Variants in PRKN observed in about 807,000 individuals in gnomAD.
PRKN encodes E3 ubiquitin-protein ligase parkin.
Under a neutral mutation model 59.5 loss-of-function variants are expected in PRKN, and 56 were observed. The ratio of observed to expected loss-of-function variants is 0.94; its 90% CI spans 0.76 to 1.18. The LOEUF is 1.18. Among genes scored for constraint, PRKN ranks in the 50% most tolerant of loss-of-function variants. The pLI is 0.00. For missense variants in PRKN, 657 were observed against 596.4 expected (o/e 1.10, Z -1.06); for synonymous variants, 250 against 222.1 (o/e 1.13, Z -1.12).
Position 162,024,041 on chromosome 6 carries a change from G to A in PRKN, c.618+30050C>T, listed in dbSNP as rs866567731. ...TCTAGTTCTGTGAAAAATGGCATTG[G>A]TATATTGATAGGAATGACATTGAAT... On this transcript the variant is annotated intron_variant, in intron 5 of 11. Coordinates refer to ENST00000366898, the MANE Select transcript of PRKN (RefSeq NM_004562.3). Among the ~76,000 whole-genome samples, 3 of 151,988 alleles carry A rather than the reference G, an allele frequency of 2.0e-5. No homozygotes were observed. The South Asian group carries it at 6.2e-4, about 32-fold the overall frequency.
chr6:162,185,708 T>C (rs1163927423), intron 4 of PRKN, among the ~76,000 whole-genome samples: 1 of 152,150 alleles, frequency 6.6e-6, no homozygotes, highest in East Asian at 1.9e-4. Flanking sequence ...GGCTGGAACA[T>C]CTATAACATG....
chr6:161,883,017 AAAC>A (rs567837666), intron 6 of PRKN, among the ~76,000 whole-genome samples: 159 of 121,022 alleles, frequency 1.3e-3, no homozygotes, highest in Middle Eastern at 0.012. Context: ...AGAAAACAAA[AAAC>A]AACAACAACA....
chr6:161,839,298 TG>T (rs1484149015), intron 6 of PRKN, among the ~76,000 whole-genome samples: 1 of 152,030 alleles, frequency 6.6e-6, no homozygotes, highest in Non-Finnish European at 1.5e-5. Flanking sequence ...CGCCTGGAGC[TG>T]GGATGGGCTC....
At chr6:162,235,983 A>AAGAAAGAAAGAAAGAAAG (rs1778679267) in intron 3 of PRKN, among the ~76,000 whole-genome samples, 1 of 108,144 alleles carries the variant, frequency 9.2e-6, no homozygotes, top group African/African-American at 4.2e-5. Flanking sequence ...GAAAGAAAGA[A>AAGAAAGAAAGAAAGAAAG]AGAAAGAAAG....
chr6:162,014,113 C>G (rs1031996423), intron 5 of PRKN, among the ~76,000 whole-genome samples: 1 of 152,130 alleles, frequency 6.6e-6, no homozygotes, highest in Non-Finnish European at 1.5e-5. Context: ...TACTCACCCC[C>G]CATCGGGAAA....
intron 6 of PRKN, among the ~76,000 whole-genome samples, chr6:161,838,688 C>T (rs1258735505): frequency 1.3e-5 from 2 of 152,200 alleles, no homozygotes; most frequent in Admixed American, 6.5e-5. Flanking sequence ...GAACTGTCCC[C>T]GTCCCACTGC....
chr6:161,818,321 CTTGTT>C (rs1791874779), intron 6 of PRKN, among the ~76,000 whole-genome samples: 2 of 122,142 alleles, frequency 1.6e-5, no homozygotes, highest in South Asian at 6.3e-4. Context: ...ATCTGATTCA[CTTGTT>C]TTAATTTTTT....
intron 4 of PRKN, among the ~76,000 whole-genome samples, chr6:162,157,308 C>G (rs1449978383): frequency 6.6e-6 from 1 of 151,826 alleles, no homozygotes. Flanking sequence ...GGCTTTGTTT[C>G]ATTTTCACAT....
rs763231874 is a variant in PRKN at position 161,442,385 on chromosome 6, A to G, written c.1084-55508T>C. ...CTTAATCTTGAAGGCTAGATTTAAG[A>G]CACTATTCTTACTGTCCACAAACAG... On this transcript the variant is annotated intron_variant, in intron 9 of 11. Coordinates refer to ENST00000366898, the MANE Select transcript of PRKN (RefSeq NM_004562.3). This position sits in a 1 kb window ranked among gnomAD's most constrained non-coding sequence, Gnocchi z 4.6. 6.6e-6 allele frequency among the ~76,000 whole-genome samples: 1 copy of G among 152,344 alleles called. No individual in the cohort carries two copies. Among genetic ancestry groups the G allele is most frequent in the East Asian group, 1.9e-4 (1 of 5,190 alleles).
At chr6:162,613,947 G>A (rs2803051) in intron 1 of PRKN, among the ~76,000 whole-genome samples, 123,056 of 152,102 alleles carry the variant, frequency 0.81, 49,981 homozygotes, top group East Asian at 0.95. Context: ...ATCACTGAGA[G>A]GGTTCCAGGA....
In PRKN at chr6:161,576,949, A is replaced by G. The variant is rs1583250716; in HGVS notation, c.872-7533T>C. 6.6e-6 allele frequency among the ~76,000 whole-genome samples: 1 copy of G among 152,252 alleles called. No individual in the cohort carries two copies. The highest frequency in any genetic ancestry group is 2.4e-5 in the African/African-American group (1 of 41,470). ...CATTTACAGAAAGTTTAGAGAATCT[A>G]TTAAACAATGTCGATGCACGCAAAT... On this transcript the variant is annotated intron_variant, in intron 7 of 11. Coordinates refer to ENST00000366898, the MANE Select transcript of PRKN (RefSeq NM_004562.3). This position sits in a 1 kb window ranked among gnomAD's most constrained non-coding sequence, Gnocchi z 4.6.
In PRKN at chr6:161,525,820, A is replaced by G. The variant is rs1250810826; in HGVS notation, c.1083+23034T>C. ...TGTTCTGTATACTACTTGGCTATAGAATAGCCTACAGATATAATAAAAAAT... is the reference window on the plus strand; with the variant it reads ...TGTTCTGTATACTACTTGGCTATAGGATAGCCTACAGATATAATAAAAAAT... On this transcript the variant is annotated intron_variant, in intron 9 of 11. Transcript: ENST00000366898. This position sits in a 1 kb window ranked among gnomAD's most constrained non-coding sequence, Gnocchi z 4.7. Among the ~76,000 whole-genome samples the G allele has an allele frequency of 6.6e-6, 1 of 152,204 alleles. No homozygotes were observed. Among genetic ancestry groups the G allele is most frequent in the South Asian group, 2.1e-4 (1 of 4,828 alleles).
chr6:162,655,288 T>C (rs1054429767), intron 1 of PRKN, among the ~76,000 whole-genome samples: 1 of 152,182 alleles, frequency 6.6e-6, no homozygotes, highest in Non-Finnish European at 1.5e-5. Context: ...CCCATGAGTA[T>C]TTAAGAATTT....
At chr6:161,508,982 T>C (rs1261294368) in intron 9 of PRKN, among the ~76,000 whole-genome samples, 8 of 152,082 alleles carry the variant, frequency 5.3e-5, no homozygotes, top group Admixed American at 3.3e-4. Context: ...GTAGCTGGGA[T>C]TACAGGCATG....
chr6:162,301,617 T>G, intron 2 of PRKN, among the ~76,000 whole-genome samples: 1 of 152,076 alleles, frequency 6.6e-6, no homozygotes, highest in East Asian at 1.9e-4. Context: ...TTCTCTGTGT[T>G]TGTGCTCTCA....
chr6:161,433,310 C>T (rs1355241091), intron 9 of PRKN, among the ~76,000 whole-genome samples: 2 of 152,090 alleles, frequency 1.3e-5, no homozygotes, highest in Non-Finnish European at 2.9e-5. Flanking sequence ...TTGGATGTTC[C>T]CATTACCATT....
chr6:161,562,065 C>G lies in PRKN; in HGVS notation c.933+7290G>C, dbSNP rs1212547955. On this transcript the variant is annotated intron_variant, in intron 8 of 11. Coordinates refer to ENST00000366898, the MANE Select transcript of PRKN (RefSeq NM_004562.3). This position sits in a 1 kb window ranked among gnomAD's most constrained non-coding sequence, Gnocchi z 4.3. ...GCCCGCCTTCTCAGCTTCCCCAACA[C>G]CATAAATCAGCATTCCTCCTCTGGA... Among the ~76,000 whole-genome samples, 1 of 152,092 alleles carries G rather than the reference C, an allele frequency of 6.6e-6. No homozygotes were observed. The highest frequency in any genetic ancestry group is 1.5e-5 in the Non-Finnish European group (1 of 67,990).
intron 7 of PRKN, among the ~76,000 whole-genome samples, chr6:161,677,516 C>T (rs915579985): frequency 2.0e-5 from 3 of 152,186 alleles, no homozygotes; most frequent in Admixed American, 1.3e-4. Context: ...AGTGGTAGCA[C>T]GAAGCCAGCA....
At chr6:162,079,317 G>T (rs1318607248) in intron 4 of PRKN, among the ~76,000 whole-genome samples, 1 of 152,136 alleles carries the variant, frequency 6.6e-6, no homozygotes, top group East Asian at 1.9e-4. Flanking sequence ...ATACTCCGTT[G>T]CCCAACTCAA....
Sources: gnomAD v4.1 joint callset for allele counts (sites outside exome capture counted in the v4.1 genomes callset) on GRCh38, gnomAD v4.1.1 for gene constraint, Gnocchi (gnomAD v3.1) non-coding constraint, MANE v1.5 for transcripts, NCBI Gene and HGNC (gene_info 2026-07-23, HGNC 2026-07-21) for gene names.